The following CHD9 variants were observed in gnomAD, a reference collection of about 807,000 sequenced individuals.
CHD9 encodes the protein chromodomain helicase DNA binding protein 9, also known as ATP-dependent chromatin remodeler CHD9.
A neutral mutation model predicts 316.1 loss-of-function variants in CHD9; 77 were observed. The ratio of observed to expected loss-of-function variants is 0.24; its 90% CI spans 0.20 to 0.29. The LOEUF is 0.29. CHD9 is among the 10% of genes least tolerant of loss of function. The pLI, the probability that CHD9 is intolerant of heterozygous loss-of-function variation, is 1.00. For missense variants in CHD9, 2,763 were observed against 3,438.1 expected, an observed-to-expected ratio of 0.80 and a Z score of 4.91; for synonymous variants, 1,129 against 1,158.3, an observed-to-expected ratio of 0.97 and a Z score of 0.51.
chr16:53,322,092 G>A (rs1420469775), intron 38 of CHD9, among the ~76,000 whole-genome samples: 1 of 150,684 alleles, frequency 6.6e-6, no homozygotes, highest in Non-Finnish European at 1.5e-5. Flanking sequence ...TCGCCTCCTG[G>A]GTTCAAGTGA....
intron 2 of CHD9, among the ~76,000 whole-genome samples, chr16:53,205,792 G>C (rs1356961000): frequency 3.3e-5 from 5 of 152,140 alleles, no homozygotes; most frequent in African/African-American, 4.8e-5. Context: ...AAAACAGCAG[G>C]AGGATCTGCA....
chr16:53,268,603 A>G (rs2051920025), intron 22 of CHD9, among the ~76,000 whole-genome samples: 1 of 152,196 alleles, frequency 6.6e-6, no homozygotes, highest in Non-Finnish European at 1.5e-5. Context: ...AGTATAGCTT[A>G]TATACATCTT....
chr16:53,062,913 T>C (rs1448859931), intron 1 of CHD9, among the ~76,000 whole-genome samples: 7 of 151,884 alleles, frequency 4.6e-5, no homozygotes, highest in Admixed American at 4.6e-4. Flanking sequence ...TCCCAGATAC[T>C]CGGGAGGCTA....
intron 28 of CHD9, 86 bp downstream of exon 28, chr16:53,291,853 A>G: frequency 1.3e-6 from 1 of 789,248 alleles, no homozygotes; most frequent in South Asian, 2.6e-5. Flanking sequence ...TTACACTTTT[A>G]TAATGTTTCA....
intron 7 of CHD9, 46 bp downstream of exon 7, chr16:53,227,649 T>A (rs2047768548): frequency 4.0e-6 from 2 of 494,208 alleles, no homozygotes; most frequent in African/African-American, 4.0e-5. Context: ...TTGATTTACA[T>A]ATAAATTAAT....
chr16:53,178,072 G>A (rs1230850384), intron 2 of CHD9, among the ~76,000 whole-genome samples: 1 of 152,184 alleles, frequency 6.6e-6, no homozygotes, highest in Non-Finnish European at 1.5e-5. Flanking sequence ...TCTGCAAGTG[G>A]GTATGAGACT....
chr16:53,304,085 C>T lies in CHD9; in HGVS notation c.6079C>T (p.Pro2027Ser). The T allele has an allele frequency of 1.9e-6, 3 of 1,613,950 alleles. No homozygotes were observed. The highest frequency in any genetic ancestry group is 1.3e-5 in the African/African-American group (1 of 75,034). The change falls in exon 31 of 39, where the codon CCT becomes TCT. Residue 2027 changes from proline to serine, a missense_variant. Physicochemically the swap from Pro to Ser is moderately conservative, Grantham distance 74. Around this residue, in one of 15 missense-constraint regions of CHD9, gnomAD observed 663 missense variants for 751.2 expected, o/e 0.88. Coordinates refer to ENST00000447540, the MANE Select transcript of CHD9 (RefSeq NM_001308319.2). ...QQYQVALSAS[P>S]LTSLPRLLDA... ...ATATCAAGTAGCACTTTCTGCTTCTCCTCTTACCTCTCTACCTAGGCTCCT... is the reference window on the plus strand; with the variant it reads ...ATATCAAGTAGCACTTTCTGCTTCTTCTCTTACCTCTCTACCTAGGCTCCT...
chr16:53,252,947 G>A (rs2050249897), intron 17 of CHD9, among the ~76,000 whole-genome samples: 2 of 152,124 alleles, frequency 1.3e-5, no homozygotes, highest in Non-Finnish European at 1.5e-5. Context: ...TACACTTCTG[G>A]TGGGAATATA....
At chr16:53,158,481 TTAG>T (rs917892015) in intron 2 of CHD9, among the ~76,000 whole-genome samples, 1 of 152,204 alleles carries the variant, frequency 6.6e-6, no homozygotes, top group Non-Finnish European at 1.5e-5. Context: ...GTCCTGTTAC[TTAG>T]TAGTTGGGTG....
intron 1 of CHD9, among the ~76,000 whole-genome samples, chr16:53,136,531 A>G (rs1404413072): frequency 2.0e-5 from 3 of 150,478 alleles, no homozygotes; most frequent in Non-Finnish European, 4.4e-5. Flanking sequence ...TTTTTCTTCC[A>G]TTTAAGGAAC....
chr16:53,081,127 A>G (rs538775130), intron 1 of CHD9, among the ~76,000 whole-genome samples: 1 of 152,270 alleles, frequency 6.6e-6, no homozygotes, highest in Non-Finnish European at 1.5e-5. Context: ...CAGTGTTTAG[A>G]GAGAAGATTT....
chr16:53,258,706 A>T (rs2050813976), intron 19 of CHD9, among the ~76,000 whole-genome samples: 1 of 152,152 alleles, frequency 6.6e-6, no homozygotes, highest in African/African-American at 2.4e-5. Context: ...GACTATTCAG[A>T]CTTAGTACAT....
At chr16:53,117,165 C>T (rs1442271154) in intron 1 of CHD9, among the ~76,000 whole-genome samples, 1 of 151,998 alleles carries the variant, frequency 6.6e-6, no homozygotes, top group Admixed American at 6.6e-5. Context: ...GTGTAGCAAA[C>T]CACCATGGCA....
intron 2 of CHD9, among the ~76,000 whole-genome samples, chr16:53,173,759 T>C (rs966531562): frequency 6.6e-6 from 1 of 152,066 alleles, no homozygotes; most frequent in African/African-American, 2.4e-5. Context: ...TTAGCCAGGA[T>C]GGTCTCGATC....
chr16:53,091,665 G>C (rs1393305360), intron 1 of CHD9, among the ~76,000 whole-genome samples: 1 of 152,162 alleles, frequency 6.6e-6, no homozygotes, highest in Admixed American at 6.5e-5. Flanking sequence ...TGCCTAGTGT[G>C]GTCCTGGCAC....
intron 2 of CHD9, among the ~76,000 whole-genome samples, chr16:53,160,636 G>C (rs2041841693): frequency 6.6e-6 from 1 of 152,154 alleles, no homozygotes; most frequent in Admixed American, 6.5e-5. Flanking sequence ...GCCAGGCGCA[G>C]TGGCTCACGC....
intron 2 of CHD9, among the ~76,000 whole-genome samples, chr16:53,162,735 T>TA (rs1185974282): frequency 1.3e-5 from 2 of 151,490 alleles, no homozygotes; most frequent in Non-Finnish European, 2.9e-5. Context: ...CTTATAAACT[T>TA]AAAAAAAACT....
Position 53,140,618 on chromosome 16 carries a change from C to G in CHD9, c.-164-15308C>G, listed in dbSNP as rs777140576. On this transcript the variant is annotated intron_variant, in intron 1 of 38. Coordinates refer to ENST00000447540, the MANE Select transcript of CHD9 (RefSeq NM_001308319.2). ...ATTGTATTTGTTTGAGACAGAGTCTCGCTCATCTCCTGTGCTGGAGTGCAG... is the reference window on the plus strand; with the variant it reads ...ATTGTATTTGTTTGAGACAGAGTCTGGCTCATCTCCTGTGCTGGAGTGCAG... 5.9e-5 allele frequency among the ~76,000 whole-genome samples: 9 copies of G among 152,122 alleles called. 1 individual carries two copies. The highest frequency in any genetic ancestry group is 1.3e-4 in the Non-Finnish European group (9 of 68,012).
intron 1 of CHD9, among the ~76,000 whole-genome samples, chr16:53,099,856 C>A (rs763603760): frequency 3.9e-5 from 6 of 152,226 alleles, no homozygotes; most frequent in Non-Finnish European, 7.3e-5. Flanking sequence ...GCAGACCAGG[C>A]GCCCCGGGCA....
Sources: allele counts gnomAD v4.1 joint callset (sites outside exome capture counted in the v4.1 genomes callset), GRCh38; gene constraint gnomAD v4.1.1; regional missense constraint gnomAD v4.1.1; transcripts MANE v1.5; gene names NCBI Gene and HGNC (gene_info 2026-07-23, HGNC 2026-07-21).